The following ATP2B2 variants were observed in gnomAD, a reference collection of about 807,000 sequenced individuals.
The protein encoded by ATP2B2 is plasma membrane calcium-transporting ATPase 2.
ATP2B2 carries 15 observed loss-of-function variants against 120.0 expected under a neutral mutation model. The ratio of observed to expected loss-of-function variants is 0.12; its 90% CI spans 0.08 to 0.19. The LOEUF is 0.19. Among genes scored for constraint, ATP2B2 ranks in the 10% least tolerant of loss-of-function variants. ATP2B2 has a pLI of 1.00. For missense variants in ATP2B2, 1,045 were observed against 1,719.8 expected, an observed-to-expected ratio of 0.61 and a Z score of 6.94; for synonymous variants, 694 against 700.3, an observed-to-expected ratio of 0.99 and a Z score of 0.14.
intron 2 of ATP2B2, among the ~76,000 whole-genome samples, chr3:10,550,741 G>A (rs2067650642): frequency 6.6e-6 from 1 of 152,196 alleles, no homozygotes; most frequent in Admixed American, 6.5e-5. Flanking sequence ...AAGGATCAAT[G>A]TCACCCCGGT....
intron 2 of ATP2B2, among the ~76,000 whole-genome samples, chr3:10,558,314 C>T (rs2067824653): frequency 6.6e-6 from 1 of 152,214 alleles, no homozygotes; most frequent in Non-Finnish European, 1.5e-5. Context: ...GTGACTGGTT[C>T]ATGGAAGTGC....
intron 1 of ATP2B2, among the ~76,000 whole-genome samples, chr3:10,646,968 TG>T (rs1324578989): frequency 2.4e-4 from 36 of 152,130 alleles, no homozygotes; most frequent in Non-Finnish European, 4.4e-4. Flanking sequence ...CATCAGAGGT[TG>T]GCACAGCAGG....
intron 2 of ATP2B2, among the ~76,000 whole-genome samples, chr3:10,447,551 G>A (rs991211674): frequency 6.6e-5 from 10 of 152,202 alleles, no homozygotes; most frequent in African/African-American, 2.4e-4. Context: ...TTCTCCCCAG[G>A]GACTGGGGCT....
rs747147456 is a variant in ATP2B2 at position 10,350,408 on chromosome 3, T to C, written c.2306A>G (p.Glu769Gly). ...CGTTGGGACACGCACCTCCCCCTTCTCGTTGCGGATCCTCCTGTTGAACTC... is the reference window on the plus strand; with the variant it reads ...CGTTGGGACACGCACCTCCCCCTTCCCGTTGCGGATCCTCCTGTTGAACTC... ...GKEFNRRIRN[E>G]KGEIEQERID... is the part of the protein sequence containing the mutation. Residue 769 changes from glutamate to glycine, a missense_variant, in exon 15 of 23, where the codon GAG becomes GGG. Glu to Gly is a moderately conservative substitution (Grantham distance 98). This residue lies in a region of ATP2B2 where 343 missense variants were observed against 536.8 expected (regional missense o/e 0.64). Coordinates refer to ENST00000360273, the MANE Select transcript of ATP2B2 (RefSeq NM_001001331.4). The C allele has an allele frequency of 2.5e-6, 4 of 1,614,094 alleles. No homozygotes were observed.
chr3:10,471,291 C>T (rs538914730), intron 1 of ATP2B2, among the ~76,000 whole-genome samples: 1 of 152,138 alleles, frequency 6.6e-6, no homozygotes, highest in African/African-American at 2.4e-5. Flanking sequence ...GGGCCAATCC[C>T]ACCCTCTTCC....
chr3:10,464,856 G>A (rs190592844), intron 1 of ATP2B2, among the ~76,000 whole-genome samples: 76 of 152,378 alleles, frequency 5.0e-4, no homozygotes, highest in African/African-American at 1.8e-3. Flanking sequence ...GCCCTCAGGT[G>A]GAAGGCTCTG....
intron 1 of ATP2B2, among the ~76,000 whole-genome samples, chr3:10,667,185 T>C (rs1395029082): frequency 6.6e-6 from 1 of 152,172 alleles, no homozygotes; most frequent in Non-Finnish European, 1.5e-5. Context: ...TTGTTGGACA[T>C]TGTCCAGCAG....
At chr3:10,392,351 C>T (rs184739729) in intron 5 of ATP2B2, among the ~76,000 whole-genome samples, 1 of 152,308 alleles carries the variant, frequency 6.6e-6, no homozygotes, top group African/African-American at 2.4e-5. Context: ...TGCCACACCT[C>T]ACTGGGCTGT....
intron 2 of ATP2B2, among the ~76,000 whole-genome samples, chr3:10,593,285 C>T (rs1370248104): frequency 1.3e-5 from 2 of 152,298 alleles, no homozygotes; most frequent in Admixed American, 6.5e-5. Flanking sequence ...CAGTATTAGC[C>T]CAATTTCACA....
intron 1 of ATP2B2, among the ~76,000 whole-genome samples, chr3:10,656,261 C>T (rs992081307): frequency 3.3e-5 from 5 of 152,124 alleles, no homozygotes; most frequent in African/African-American, 7.2e-5. Context: ...CCCACTTCAT[C>T]GCATCATTTC....
intron 2 of ATP2B2, among the ~76,000 whole-genome samples, chr3:10,428,464 A>G (rs1218743119): frequency 6.6e-6 from 1 of 152,050 alleles, no homozygotes; most frequent in South Asian, 2.1e-4. Context: ...TTGCCTCCCC[A>G]GGTGGCGTTG....
chr3:10,525,906 T>G (rs1263356921), intron 3 of ATP2B2, among the ~76,000 whole-genome samples: 1 of 152,216 alleles, frequency 6.6e-6, no homozygotes, highest in African/African-American at 2.4e-5. Context: ...TTGTTTTGTA[T>G]CATCTGCTTC....
intron 1 of ATP2B2, among the ~76,000 whole-genome samples, chr3:10,645,343 GT>G (rs2070295582): frequency 6.6e-6 from 1 of 152,350 alleles, no homozygotes; most frequent in South Asian, 2.1e-4. Context: ...AGTATGAACA[GT>G]GGATTAAGCA....
At chr3:10,426,669 C>T (rs78365746) in intron 2 of ATP2B2, among the ~76,000 whole-genome samples, 8 of 152,114 alleles carry the variant, frequency 5.3e-5, no homozygotes, top group Admixed American at 3.9e-4. Context: ...CATTTAGGTG[C>T]GCGAAGTTAC....
At chr3:10,555,886 G>A (rs1341265016) in intron 2 of ATP2B2, among the ~76,000 whole-genome samples, 1 of 152,204 alleles carries the variant, frequency 6.6e-6, no homozygotes, top group African/African-American at 2.4e-5. Context: ...CTTTGTGAGA[G>A]ACAGGTCAGA....
At chr3:10,668,989 T>C (rs1350870137) in intron 1 of ATP2B2, among the ~76,000 whole-genome samples, 2 of 152,198 alleles carry the variant, frequency 1.3e-5, no homozygotes, top group Non-Finnish European at 2.9e-5. Flanking sequence ...CTGTCCTGAG[T>C]CACGTGGCTT....
At chr3:10,509,308 T>C (rs961066896), upstream of ATP2B2, among the ~76,000 whole-genome samples, 8 of 152,142 alleles carry the variant, frequency 5.3e-5, no homozygotes, top group Non-Finnish European at 8.8e-5. Flanking sequence ...GCCCTTGCCT[T>C]GCCTGGCTCG....
chr3:10,568,234 G>A (rs2068051215), intron 2 of ATP2B2, among the ~76,000 whole-genome samples: 1 of 152,198 alleles, frequency 6.6e-6, no homozygotes, highest in African/African-American at 2.4e-5. Context: ...GGAAGAATGG[G>A]GAGGCCCATG....
intron 21 of ATP2B2, 33 bp from the exon 22 acceptor site, chr3:10,338,391 G>A (rs1184047462): frequency 4.3e-6 from 7 of 1,612,592 alleles, no homozygotes; most frequent in Admixed American, 1.7e-5. Context: ...GGACGGTGGG[G>A]CTGTCCTTCC....
Sources: gnomAD v4.1 joint callset for allele counts (sites outside exome capture counted in the v4.1 genomes callset) on GRCh38, gnomAD v4.1.1 for gene constraint, gnomAD v4.1.1 regional missense constraint, MANE v1.5 for transcripts, NCBI Gene and HGNC (gene_info 2026-07-23, HGNC 2026-07-21) for gene names.